The following ACTN1 variants were observed in gnomAD, a reference collection of about 807,000 sequenced individuals.
ACTN1 encodes actinin alpha 1, also known as alpha-actinin-1.
In ACTN1, 30 loss-of-function variants were observed where a neutral mutation model predicts 119.6. The observed-to-expected ratio is 0.25, with a 90% CI of 0.19 to 0.34. ACTN1 has a LOEUF of 0.34. ACTN1 is among the 10% of genes least tolerant of loss of function. The pLI, the probability that ACTN1 is intolerant of heterozygous loss-of-function variation, is 1.00. For missense variants in ACTN1, 764 were observed against 1,223.4 expected (o/e 0.62, Z 5.60); for synonymous variants, 429 against 472.6 (o/e 0.91, Z 1.20).
At chr14:68,942,855 G>A (rs568585058) in intron 1 of ACTN1, among the ~76,000 whole-genome samples, 5 of 152,274 alleles carry the variant, frequency 3.3e-5, no homozygotes, top group South Asian at 2.1e-4. Context: ...CAGGAGAGCA[G>A]CTGGGGACAA....
At chr14:68,917,664 T>C (rs1409937593) in intron 3 of ACTN1, among the ~76,000 whole-genome samples, 1 of 152,234 alleles carries the variant, frequency 6.6e-6, no homozygotes, top group Non-Finnish European at 1.5e-5. Context: ...CATTGTGGCA[T>C]AATCTTGGTG....
intron 9 of ACTN1, among the ~76,000 whole-genome samples, 180 bp downstream of exon 9, chr14:68,893,475 G>A (rs2032650614): frequency 6.6e-6 from 1 of 152,174 alleles, no homozygotes; most frequent in Non-Finnish European, 1.5e-5. Flanking sequence ...ACTGGCCTCT[G>A]CCCCCACCTC....
At chr14:68,893,303 C>T (rs1350151695) in intron 9 of ACTN1, among the ~76,000 whole-genome samples, 3 of 152,202 alleles carry the variant, frequency 2.0e-5, no homozygotes, top group East Asian at 1.9e-4. Flanking sequence ...CCTCTTAGAA[C>T]CAGATGTGCT....
intron 1 of ACTN1, among the ~76,000 whole-genome samples, chr14:68,930,115 G>C (rs1040215574): frequency 1.3e-5 from 2 of 152,180 alleles, no homozygotes; most frequent in Non-Finnish European, 2.9e-5. Flanking sequence ...AAAGGAATAT[G>C]GCTTTTGAGA....
intron 4 of ACTN1, among the ~76,000 whole-genome samples, chr14:68,910,779 CATACTGTTCTCGTGGTAGTGA>C (rs2033963472): frequency 6.6e-6 from 1 of 152,152 alleles, no homozygotes; most frequent in South Asian, 2.1e-4. Context: ...TGGTTTCCCC[CATACTGTTCTCGTGGTAGTGA>C]ATAAGTCTCA....
intron 1 of ACTN1, among the ~76,000 whole-genome samples, chr14:68,973,125 G>T (rs2036945429): frequency 6.6e-6 from 1 of 152,186 alleles, no homozygotes; most frequent in Non-Finnish European, 1.5e-5. Context: ...GGGAAAGCAG[G>T]AGAGGCAGAG....
rs752772447 is a variant in ACTN1, at chr14:68,885,618, C to T, written c.1235-43G>A. 6.9e-6 allele frequency: 11 copies of T among 1,600,224 alleles called. No homozygotes were observed. Among genetic ancestry groups the T allele is most frequent in the Non-Finnish European group, 6.8e-6 (8 of 1,176,310 alleles). Reference sequence around the variant, plus strand: ...CACATGGCTGAGCTGGAGTGAGAAGCATCTCCTTGGTCCCAACCGCCCACC... The same window carrying T: ...CACATGGCTGAGCTGGAGTGAGAAGTATCTCCTTGGTCCCAACCGCCCACC... On this transcript the variant is annotated intron_variant, in intron 11 of 21. Coordinates refer to ENST00000394419, the MANE Select transcript of ACTN1 (RefSeq NM_001130004.2). This position sits in a 1 kb window ranked among gnomAD's most constrained non-coding sequence, Gnocchi z 5.6.
intron 1 of ACTN1, chr14:68,978,379 C>G: frequency 2.6e-6 from 1 of 378,700 alleles, no homozygotes; most frequent in Non-Finnish European, 5.2e-6. Context: ...CGTCCCCAGC[C>G]GCACTCCAGC....
chr14:68,901,207 GTTT>G (rs60666140), intron 8 of ACTN1, among the ~76,000 whole-genome samples: 1 of 136,090 alleles, frequency 7.3e-6, no homozygotes, highest in Non-Finnish European at 1.6e-5. Flanking sequence ...TTGTTTTATG[GTTT>G]TTTTTTGTTT....
intron 11 of ACTN1, chr14:68,888,156 C>T: frequency 1.9e-6 from 1 of 522,830 alleles, no homozygotes. Context: ...CGAAACTGTG[C>T]TGCCTGGCCG....
intron 3 of ACTN1, 122 bp downstream of exon 3, chr14:68,920,884 G>A (rs1447586149): frequency 6.7e-6 from 9 of 1,342,614 alleles, no homozygotes; most frequent in Admixed American, 2.2e-5. Context: ...GGAGGTGCTG[G>A]GGACCCACTG....
intron 8 of ACTN1, among the ~76,000 whole-genome samples, chr14:68,896,978 TTTTG>T (rs1187212653): frequency 3.3e-5 from 5 of 152,112 alleles, no homozygotes; most frequent in Admixed American, 1.3e-4. Flanking sequence ...TTCATGGTTG[TTTTG>T]TTTGTTTTTT....
intron 3 of ACTN1, among the ~76,000 whole-genome samples, chr14:68,915,991 G>A (rs2034271435): frequency 6.6e-6 from 1 of 152,164 alleles, no homozygotes; most frequent in South Asian, 2.1e-4. Context: ...TCCAGACTAA[G>A]CAAGAGAGCG....
In ACTN1 at chr14:68,911,155, A is replaced by G. The variant is rs148295197; in HGVS notation, c.427+1001T>C. On this transcript the variant is annotated intron_variant, in intron 4 of 21. Transcript: ENST00000394419. ...ACATTCAAGGGTTCCTACAAAGACCATAACCACCTAAGCAAAAGCAGACAA... is the reference window on the plus strand; with the variant it reads ...ACATTCAAGGGTTCCTACAAAGACCGTAACCACCTAAGCAAAAGCAGACAA... 3.3e-3 allele frequency among the ~76,000 whole-genome samples: 509 copies of G among 152,364 alleles called. 2 individuals are homozygous for G. Among genetic ancestry groups the G allele is most frequent in the African/African-American group, 0.011 (473 of 41,594 alleles).
At chr14:68,974,773 G>C (rs889483338) in intron 1 of ACTN1, among the ~76,000 whole-genome samples, 1 of 152,156 alleles carries the variant, frequency 6.6e-6, no homozygotes, top group Non-Finnish European at 1.5e-5. Flanking sequence ...TACCTAACAG[G>C]GGTTTAATGA....
intron 1 of ACTN1, among the ~76,000 whole-genome samples, chr14:68,939,764 G>A (rs1234063227): frequency 2.0e-5 from 3 of 152,192 alleles, no homozygotes; most frequent in African/African-American, 7.2e-5. Context: ...GTATAAATGG[G>A]TTAATTGTAT....
At chr14:68,933,434 C>T (rs1314160789) in intron 1 of ACTN1, among the ~76,000 whole-genome samples, 1 of 152,130 alleles carries the variant, frequency 6.6e-6, no homozygotes, top group East Asian at 1.9e-4. Context: ...CCACGCCCGG[C>T]CACCTCCCTG....
chr14:68,917,519 CAGG>C (rs1450636460), intron 3 of ACTN1, among the ~76,000 whole-genome samples: 1 of 152,222 alleles, frequency 6.6e-6, no homozygotes, highest in Non-Finnish European at 1.5e-5. Context: ...GCTCCCCTTC[CAGG>C]AGAGCTCATT....
intron 1 of ACTN1, among the ~76,000 whole-genome samples, chr14:68,930,298 T>C (rs2140421263): frequency 6.6e-6 from 1 of 152,300 alleles, no homozygotes. Context: ...CATAGTAATG[T>C]TGTTAATTTA....
Sources: gnomAD v4.1 joint callset for allele counts (sites outside exome capture counted in the v4.1 genomes callset) on GRCh38, gnomAD v4.1.1 for gene constraint, Gnocchi (gnomAD v3.1) non-coding constraint, MANE v1.5 for transcripts, NCBI Gene and HGNC (gene_info 2026-07-23, HGNC 2026-07-21) for gene names.